MTX2: variants seen among roughly 807,000 people sequenced by gnomAD.
MTX2 encodes the protein metaxin-2.
In MTX2, 35 loss-of-function variants were observed where a neutral mutation model predicts 42.3. That is an observed-to-expected ratio of 0.83 (90% CI 0.63 to 1.10). MTX2 has a LOEUF of 1.10. MTX2 is among the 50% of genes least tolerant of loss of function. MTX2 has a pLI of 0.00. For missense variants in MTX2, 307 were observed against 304.1 expected, an observed-to-expected ratio of 1.01 and a Z score of -0.07; for synonymous variants, 119 against 100.9, an observed-to-expected ratio of 1.18 and a Z score of -1.08.
At chr2:176,274,861 T>C (rs545073211) in intron 1 of MTX2, among the ~76,000 whole-genome samples, 11 of 152,288 alleles carry the variant, frequency 7.2e-5, no homozygotes, top group Admixed American at 7.2e-4. Flanking sequence ...TGGCAGCACC[T>C]AGATTAGGGT....
intron 1 of MTX2, 30 bp downstream of exon 1, chr2:176,269,699 T>C: frequency 1.3e-6 from 2 of 1,580,926 alleles, no homozygotes; most frequent in Non-Finnish European, 8.6e-7. Flanking sequence ...ACCCAGAAGG[T>C]GGCGGCGCGG....
chr2:176,325,961 G>GTTTC (rs1333789630), intron 4 of MTX2, among the ~76,000 whole-genome samples: 16 of 148,022 alleles, frequency 1.1e-4, no homozygotes, highest in Non-Finnish European at 2.1e-4. Flanking sequence ...CCCCCAGGCT[G>GTTTC]ACGGAGCCAG....
intron 3 of MTX2, among the ~76,000 whole-genome samples, chr2:176,305,458 T>C (rs1180784898): frequency 2.6e-5 from 4 of 152,146 alleles, no homozygotes; most frequent in African/African-American, 4.8e-5. Flanking sequence ...GTTCTTTCTG[T>C]ACTTTCGACT....
At chr2:176,323,740 G>A (rs1280049208) in intron 4 of MTX2, among the ~76,000 whole-genome samples, 3 of 151,678 alleles carry the variant, frequency 2.0e-5, no homozygotes, top group Admixed American at 6.6e-5. Flanking sequence ...GGAAATACAT[G>A]ATCTCAGATT....
At chr2:176,302,471 CTG>C (rs1300715260) in intron 3 of MTX2, among the ~76,000 whole-genome samples, 1 of 152,090 alleles carries the variant, frequency 6.6e-6, no homozygotes, top group Non-Finnish European at 1.5e-5. Flanking sequence ...GAGTCTAGCT[CTG>C]TCGCCCAGGC....
chr2:176,331,551 G>A (rs962559027), intron 9 of MTX2, among the ~76,000 whole-genome samples: 2 of 151,064 alleles, frequency 1.3e-5, no homozygotes, highest in African/African-American at 4.8e-5. Context: ...TGGCTATGAT[G>A]ATAGTTTGGA....
intron 9 of MTX2, among the ~76,000 whole-genome samples, 196 bp downstream of exon 9, chr2:176,330,856 T>C (rs1463715586): frequency 6.6e-6 from 1 of 151,154 alleles, no homozygotes; most frequent in East Asian, 1.9e-4. Context: ...ATATGGTCCT[T>C]ATCATTAAGA....
At position 176,269,509 on chromosome 2, in the gene MTX2, T is replaced by C; in HGVS notation, c.-121T>C. On this transcript the variant is annotated 5_prime_UTR_variant, in exon 1 of 10. Transcript: ENST00000249442. ...AGCCGCCGCTGCTGTTGGAGTGGGC[T>C]TTGCGAGTCTGAACGTTGGCGGGGC... is the stretch of plus-strand genomic sequence containing the variant. 2.6e-6 allele frequency: 3 copies of C among 1,140,740 alleles called. No homozygotes were observed. Among genetic ancestry groups the C allele is most frequent in the Non-Finnish European group, 3.6e-6 (3 of 834,916 alleles). The allele number at this position is 1,140,740 out of a possible 1,614,324, so 70.7% of individuals were successfully genotyped here. A position where few individuals can be genotyped will look rare whatever the true frequency, so the allele number is the denominator to read the frequency against.
intron 3 of MTX2, among the ~76,000 whole-genome samples, chr2:176,312,566 T>A (rs1684340249): frequency 6.6e-6 from 1 of 152,132 alleles, no homozygotes; most frequent in East Asian, 1.9e-4. Flanking sequence ...CACTATTCTT[T>A]TGAAAAGTGC....
rs1237666310 is a variant in MTX2, at chr2:176,337,976, A to G, written c.*312A>G. On this transcript the variant is annotated 3_prime_UTR_variant, in exon 10 of 10. Transcript: ENST00000249442. ...CTTTCTTTTGATTTTTCTGAAAGTCATTCACTGAATTTTACACATGTGGAA... is the reference window on the plus strand; with the variant it reads ...CTTTCTTTTGATTTTTCTGAAAGTCGTTCACTGAATTTTACACATGTGGAA... 1.2e-5 allele frequency: 2 copies of G among 171,924 alleles called. No homozygotes were observed. The highest frequency in any genetic ancestry group is 1.5e-4 in the East Asian group (1 of 6,460). The allele number at this position is 171,924 out of a possible 1,614,324, so 10.6% of individuals were successfully genotyped here.
intron 3 of MTX2, among the ~76,000 whole-genome samples, chr2:176,322,989 A>G (rs886973813): frequency 2.0e-5 from 3 of 151,746 alleles, no homozygotes; most frequent in African/African-American, 7.3e-5. Flanking sequence ...AAAATGAGGA[A>G]GATGATGATC....
intron 9 of MTX2, 88 bp from the exon 10 acceptor site, chr2:176,337,405 G>T (rs1397746731): frequency 5.3e-6 from 6 of 1,142,320 alleles, no homozygotes; most frequent in Non-Finnish European, 7.4e-6. Flanking sequence ...CTACGAGTAT[G>T]GGACCTGTGG....
intron 3 of MTX2, among the ~76,000 whole-genome samples, chr2:176,320,438 ATATAT>A (rs1426976317): frequency 3.3e-5 from 5 of 152,156 alleles, no homozygotes; most frequent in African/African-American, 1.2e-4. Flanking sequence ...CTTTGAGAAG[ATATAT>A]TAAACAGTTA....
chr2:176,299,510 G>C (rs1683973686), intron 3 of MTX2, among the ~76,000 whole-genome samples: 2 of 151,920 alleles, frequency 1.3e-5, no homozygotes, highest in Admixed American at 1.3e-4. Context: ...CAGAAAAAAG[G>C]ACCTTTTACA....
intron 3 of MTX2, among the ~76,000 whole-genome samples, chr2:176,312,465 C>T (rs1468743239): frequency 1.3e-5 from 2 of 152,024 alleles, no homozygotes; most frequent in East Asian, 1.9e-4. Context: ...ATTCACAAAC[C>T]TCTATATCAA....
chr2:176,289,214 T>C (rs1693273565), intron 1 of MTX2, among the ~76,000 whole-genome samples: 1 of 152,082 alleles, frequency 6.6e-6, no homozygotes, highest in Non-Finnish European at 1.5e-5. Flanking sequence ...TCACGGGTGT[T>C]GCTTTATCAT....
rs142245116 is a variant in MTX2, at chr2:176,326,878, A to G, written c.262A>G (p.Ile88Val). 8.0e-4 allele frequency: 1,264 copies of G among 1,570,752 alleles called. 11 individuals are homozygous for G. In the East Asian group the frequency reaches 0.015, roughly 19 times the overall value. Residue 88 changes from isoleucine to valine, a missense_variant, in exon 5 of 10, where the codon ATA becomes GTA. Ile to Val is a conservative substitution (Grantham distance 29, BLOSUM62 3). Transcript: ENST00000249442. ...GNQVVSELGP[I>V]VQFVKAKGHS... ...TCAAGTAGTATCAGAACTTGGTCCAATAGTCCAATTTGTTAAAGCCAAGGT... is the reference window on the plus strand; with the variant it reads ...TCAAGTAGTATCAGAACTTGGTCCAGTAGTCCAATTTGTTAAAGCCAAGGT...
chr2:176,329,403 T>C lies in MTX2; in HGVS notation c.520T>C (p.Trp174Arg), dbSNP rs1684800218. The C allele has an allele frequency of 6.2e-7, 1 of 1,607,072 alleles. No homozygotes were observed. The highest frequency in any genetic ancestry group is 8.5e-7 in the Non-Finnish European group (1 of 1,175,208). ...CAAACGTAAGATGAAAGCTATTGGA[T>C]GGGGAAAGAAGACTCTGGACCAGGT... ...EVKRKMKAIG[W>R]GKKTLDQVLE... Residue 174 changes from tryptophan to arginine, a missense_variant, in exon 8 of 10, where the codon TGG becomes CGG. Trp to Arg is a moderately radical substitution (Grantham distance 101). Transcript: ENST00000249442.
chr2:176,281,134 T>A (rs1022873284), intron 1 of MTX2, among the ~76,000 whole-genome samples: 4 of 152,078 alleles, frequency 2.6e-5, no homozygotes, highest in Admixed American at 2.6e-4. Flanking sequence ...CTCTGTTGAT[T>A]AGATGAACAT....
Sources: gnomAD v4.1 joint callset for allele counts (sites outside exome capture counted in the v4.1 genomes callset) on GRCh38, gnomAD v4.1.1 for gene constraint, MANE v1.5 for transcripts, NCBI Gene and HGNC (gene_info 2026-07-23, HGNC 2026-07-21) for gene names.